The following PLCL2 variants were observed in gnomAD, a reference collection of about 807,000 sequenced individuals.
The protein encoded by PLCL2 is inactive phospholipase C-like protein 2.
In PLCL2, 4 loss-of-function variants were observed where a neutral mutation model predicts 79.6. That is an observed-to-expected ratio of 0.05 (90% CI 0.02 to 0.11). The LOEUF (loss-of-function observed/expected upper bound fraction) is 0.11. PLCL2 is among the 10% of genes least tolerant of loss of function. PLCL2 has a pLI of 1.00. For synonymous variants in PLCL2, 484 were observed against 457.7 expected (o/e 1.06, Z -0.73); for missense variants, 895 against 1,291.0 (o/e 0.69, Z 4.70).
chr3:17,090,427 A>G lies in PLCL2; in HGVS notation c.*515A>G. On this transcript the variant is annotated 3_prime_UTR_variant, in exon 6 of 6. Transcript: ENST00000615277. ...CCCTGAATCCCCGGGGTCCTTGGAG[A>G]GCCATCGAGGAGAATGTGCAATTGG... 1 of 198,728 alleles carries G rather than the reference A, an allele frequency of 5.0e-6. No individual in the cohort carries two copies. The highest frequency in any genetic ancestry group is 9.1e-6 in the Non-Finnish European group (1 of 110,270). The allele number at this position is 198,728 out of a possible 1,614,324, so 12.3% of individuals were successfully genotyped here.
At chr3:16,980,905 T>A (rs1234897069) in intron 1 of PLCL2, among the ~76,000 whole-genome samples, 2 of 152,236 alleles carry the variant, frequency 1.3e-5, no homozygotes, top group Non-Finnish European at 2.9e-5. Flanking sequence ...AGGCCGAGGC[T>A]GGCGGATCAC....
At chr3:16,893,713 A>C (rs1696404052) in intron 1 of PLCL2, among the ~76,000 whole-genome samples, 1 of 152,232 alleles carries the variant, frequency 6.6e-6, no homozygotes, top group Non-Finnish European at 1.5e-5. Context: ...GTGAGTATTA[A>C]TAGAACAAGA....
chr3:17,046,213 A>C (rs2064779036), intron 4 of PLCL2, among the ~76,000 whole-genome samples: 1 of 152,220 alleles, frequency 6.6e-6, no homozygotes, highest in Non-Finnish European at 1.5e-5. Context: ...GCTGAACAGG[A>C]GTCTGCAGAG....
chr3:17,016,337 A>G (rs1018018786), intron 3 of PLCL2, among the ~76,000 whole-genome samples: 5 of 152,242 alleles, frequency 3.3e-5, no homozygotes, highest in African/African-American at 1.2e-4. Context: ...GTAGATTCCT[A>G]TGAAGTAGTC....
intron 1 of PLCL2, among the ~76,000 whole-genome samples, chr3:16,926,282 G>A (rs1559487570): frequency 6.6e-6 from 1 of 152,158 alleles, no homozygotes. Context: ...GAATCAGACA[G>A]ATGCAAGGGC....
intron 1 of PLCL2, among the ~76,000 whole-genome samples, chr3:16,911,644 T>A (rs1696884573): frequency 6.6e-6 from 1 of 152,222 alleles, no homozygotes; most frequent in African/African-American, 2.4e-5. Flanking sequence ...CTCCCAGAGT[T>A]CATGCAGTCA....
At chr3:16,967,088 T>C (rs1234014234) in intron 1 of PLCL2, among the ~76,000 whole-genome samples, 1 of 152,126 alleles carries the variant, frequency 6.6e-6, no homozygotes, top group Non-Finnish European at 1.5e-5. Flanking sequence ...TTGCTGCAAA[T>C]GACATGATCT....
At chr3:16,947,108 A>G (rs2063609766) in intron 1 of PLCL2, among the ~76,000 whole-genome samples, 1 of 150,688 alleles carries the variant, frequency 6.6e-6, no homozygotes, top group African/African-American at 2.4e-5. Flanking sequence ...GGCACATGCC[A>G]CCACAACTGG....
chr3:16,903,418 C>T (rs955163308), intron 1 of PLCL2, among the ~76,000 whole-genome samples: 3 of 152,162 alleles, frequency 2.0e-5, no homozygotes, highest in South Asian at 4.2e-4. Flanking sequence ...AGTTCCTGTT[C>T]GACAGGCACT....
chr3:16,985,653 A>G (rs868609219), intron 1 of PLCL2, among the ~76,000 whole-genome samples: 2 of 152,306 alleles, frequency 1.3e-5, no homozygotes, highest in South Asian at 2.1e-4. Context: ...TATTGCCTCT[A>G]TATTACCTGT....
At chr3:17,066,331 A>G (rs949118898) in intron 4 of PLCL2, among the ~76,000 whole-genome samples, 21 of 152,234 alleles carry the variant, frequency 1.4e-4, no homozygotes, top group African/African-American at 4.8e-4. Flanking sequence ...AAGTAGGACC[A>G]TGGCTCCTGG....
At chr3:16,945,198 C>A (rs2063588943) in intron 1 of PLCL2, among the ~76,000 whole-genome samples, 1 of 151,916 alleles carries the variant, frequency 6.6e-6, no homozygotes, top group Non-Finnish European at 1.5e-5. Flanking sequence ...CTCAGCAAGG[C>A]TTTACCCTAT....
intron 1 of PLCL2, among the ~76,000 whole-genome samples, chr3:16,999,602 T>C (rs1319078205): frequency 1.3e-5 from 2 of 152,136 alleles, no homozygotes; most frequent in South Asian, 2.1e-4. Context: ...ATTTTACAGG[T>C]GAGGAAACCG....
chr3:16,931,830 A>G (rs1326365141), intron 1 of PLCL2, among the ~76,000 whole-genome samples: 1 of 152,158 alleles, frequency 6.6e-6, no homozygotes, highest in Non-Finnish European at 1.5e-5. Context: ...CATAGAATAA[A>G]CTTATGATTG....
chr3:16,978,501 G>A (rs777667615), intron 1 of PLCL2, among the ~76,000 whole-genome samples: 21 of 152,168 alleles, frequency 1.4e-4, no homozygotes, highest in Non-Finnish European at 2.9e-4. Flanking sequence ...GAAAGAGAAA[G>A]GCATATAATG....
chr3:17,014,243 A>C (rs1213558992), intron 2 of PLCL2, among the ~76,000 whole-genome samples: 9 of 152,188 alleles, frequency 5.9e-5, no homozygotes, highest in Non-Finnish European at 8.8e-5. Flanking sequence ...AGCAGGCATA[A>C]ATAGATGAGA....
At chr3:16,951,899 A>C (rs536165067) in intron 1 of PLCL2, among the ~76,000 whole-genome samples, 1 of 151,480 alleles carries the variant, frequency 6.6e-6, no homozygotes, top group African/African-American at 2.4e-5. Flanking sequence ...CTAATACAAG[A>C]TCTTTTTTTT....
At chr3:17,032,544 T>C (rs1056521802) in intron 3 of PLCL2, among the ~76,000 whole-genome samples, 2 of 152,148 alleles carry the variant, frequency 1.3e-5, no homozygotes, top group Admixed American at 6.6e-5. Context: ...GTGCTGTTTT[T>C]CCTTATCTTT....
In PLCL2 at chr3:16,966,196, A is replaced by T. The variant is rs543843225; in HGVS notation, c.328-43478A>T. 2.5e-3 allele frequency among the ~76,000 whole-genome samples: 342 copies of T among 136,866 alleles called. 1 individual carries two copies. Among genetic ancestry groups the T allele is most frequent in the African/African-American group, 7.6e-3 (282 of 37,008 alleles). The allele number at this position is 136,866 out of a possible 152,430, so 89.8% of individuals were successfully genotyped here. A position where few individuals can be genotyped will look rare whatever the true frequency, so the allele number is the denominator to read the frequency against. On this transcript the variant is annotated intron_variant, in intron 1 of 5. Coordinates refer to ENST00000615277, the MANE Select transcript of PLCL2 (RefSeq NM_001144382.2). ...TATTATTTTGAGATACATCCCATCAATACTGAACTTATTGAGAGTTTTTAG... is the reference window on the plus strand; with the variant it reads ...TATTATTTTGAGATACATCCCATCATTACTGAACTTATTGAGAGTTTTTAG...
Sources: gnomAD v4.1 joint callset for allele counts (sites outside exome capture counted in the v4.1 genomes callset) on GRCh38, gnomAD v4.1.1 for gene constraint, MANE v1.5 for transcripts, NCBI Gene and HGNC (gene_info 2026-07-23, HGNC 2026-07-21) for gene names.